LRMDA: variants seen among roughly 807,000 people sequenced by gnomAD.
LRMDA encodes the protein leucine rich melanocyte differentiation associated.
In LRMDA, 18 loss-of-function variants were observed where a neutral mutation model predicts 29.8. The observed-to-expected ratio is 0.60, with a 90% CI of 0.42 to 0.90. The LOEUF (loss-of-function observed/expected upper bound fraction) is 0.90. Ranked by LOEUF, LRMDA falls within the 40% of genes least tolerant of loss-of-function variation. LRMDA has a pLI of 0.00. For missense variants in LRMDA, 273 were observed against 273.9 expected (o/e 1.00, Z 0.02); for synonymous variants, 125 against 109.4 (o/e 1.14, Z -0.89).
intron 5 of LRMDA, among the ~76,000 whole-genome samples, chr10:76,269,180 G>A (rs922999753): frequency 6.6e-6 from 1 of 152,084 alleles, no homozygotes; most frequent in African/African-American, 2.4e-5. Flanking sequence ...AGCCCCAGTG[G>A]CACACTGTGA....
At chr10:75,819,374 A>G (rs1844117459) in intron 2 of LRMDA, among the ~76,000 whole-genome samples, 1 of 147,264 alleles carries the variant, frequency 6.8e-6, no homozygotes, top group African/African-American at 2.6e-5. Context: ...TATAGATCCA[A>G]TAGGAAACCA....
At chr10:75,611,880 C>G (rs1274270968) in intron 2 of LRMDA, among the ~76,000 whole-genome samples, 1 of 152,318 alleles carries the variant, frequency 6.6e-6, no homozygotes, top group South Asian at 2.1e-4. Context: ...ATCAGGCCTG[C>G]AAAAGGAGAT....
chr10:75,548,315 G>A (rs1250685026), intron 2 of LRMDA, among the ~76,000 whole-genome samples: 1 of 152,190 alleles, frequency 6.6e-6, no homozygotes, highest in Non-Finnish European at 1.5e-5. Flanking sequence ...TCCCTTGGAA[G>A]AAACAAGCAA....
At chr10:75,521,289 T>A (rs1478166943) in intron 2 of LRMDA, among the ~76,000 whole-genome samples, 2 of 152,236 alleles carry the variant, frequency 1.3e-5, no homozygotes, top group Non-Finnish European at 2.9e-5. Context: ...TGCTGCCTTT[T>A]GTTCAGCTAT....
At chr10:75,779,589 A>G (rs1055416650) in intron 2 of LRMDA, among the ~76,000 whole-genome samples, 1 of 152,230 alleles carries the variant, frequency 6.6e-6, no homozygotes, top group Non-Finnish European at 1.5e-5. Flanking sequence ...TAGCCAAGCC[A>G]GGCTAGGCTC....
intron 2 of LRMDA, among the ~76,000 whole-genome samples, chr10:75,444,201 C>T (rs566742933): frequency 5.9e-5 from 9 of 152,072 alleles, no homozygotes; most frequent in Non-Finnish European, 1.3e-4. Flanking sequence ...TATGGCAAAT[C>T]CACTTCTGTG....
chr10:76,270,532 G>A (rs1207649494), intron 5 of LRMDA: 1 of 152,468 alleles, frequency 6.6e-6, no homozygotes, highest in Non-Finnish European at 1.5e-5. Flanking sequence ...GAGCAGGGCA[G>A]GGAGTGTGGA....
chr10:75,508,137 G>T (rs1157141522), intron 2 of LRMDA, among the ~76,000 whole-genome samples: 2 of 152,124 alleles, frequency 1.3e-5, no homozygotes, highest in East Asian at 3.9e-4. Flanking sequence ...CCTGTGTGGG[G>T]GTAATGTTAA....
intron 2 of LRMDA, among the ~76,000 whole-genome samples, chr10:75,688,928 ATATACATTTTTTAGACATACTGTTAT>A (rs1039281839): frequency 2.0e-5 from 3 of 152,202 alleles, no homozygotes; most frequent in Non-Finnish European, 4.4e-5. Flanking sequence ...AAATCAGGGT[ATATACATTTTTTAGACATACTGTTAT>A]TGCACACTTA....
At chr10:75,679,157 T>A (rs1163436550) in intron 2 of LRMDA, among the ~76,000 whole-genome samples, 1 of 152,186 alleles carries the variant, frequency 6.6e-6, no homozygotes, top group African/African-American at 2.4e-5. Context: ...AGCCTAAAGC[T>A]CCCACTGTGT....
chr10:76,359,348 G>A (rs1348859141), intron 6 of LRMDA, among the ~76,000 whole-genome samples: 3 of 152,170 alleles, frequency 2.0e-5, no homozygotes, highest in Non-Finnish European at 4.4e-5. Flanking sequence ...AGATGGAGAA[G>A]GTTGCACTGT....
At chr10:76,491,092 A>AT (rs199808927) in intron 6 of LRMDA, among the ~76,000 whole-genome samples, 3,513 of 151,350 alleles carry the variant, frequency 0.023, 65 homozygotes, top group South Asian at 0.09. Flanking sequence ...CTGCTTTTTA[A>AT]TTTTTTTTTG....
intron 2 of LRMDA, among the ~76,000 whole-genome samples, chr10:75,899,717 C>T (rs1229622188): frequency 1.3e-5 from 2 of 152,172 alleles, no homozygotes; most frequent in Non-Finnish European, 2.9e-5. Flanking sequence ...CCATTCATGG[C>T]TTTGGTACAG....
At chr10:75,789,766 G>A (rs1843534475) in intron 2 of LRMDA, among the ~76,000 whole-genome samples, 1 of 152,052 alleles carries the variant, frequency 6.6e-6, no homozygotes, top group South Asian at 2.1e-4. Context: ...TGTCCCCAAG[G>A]CCCATTCTTT....
At chr10:76,543,969 C>T (rs1843389128) in intron 6 of LRMDA, among the ~76,000 whole-genome samples, 1 of 152,164 alleles carries the variant, frequency 6.6e-6, no homozygotes, top group African/African-American at 2.4e-5. Flanking sequence ...AGACGGAATT[C>T]TCTGTGTGAT....
At chr10:75,496,761 C>T in intron 2 of LRMDA, among the ~76,000 whole-genome samples, 1 of 152,150 alleles carries the variant, frequency 6.6e-6, no homozygotes, top group East Asian at 1.9e-4. Flanking sequence ...TTGAGCCTTT[C>T]TGGGCCATAG....
At chr10:75,640,637 C>G (rs984167189) in intron 2 of LRMDA, among the ~76,000 whole-genome samples, 1 of 152,158 alleles carries the variant, frequency 6.6e-6, no homozygotes, top group East Asian at 1.9e-4. Context: ...ATTAGAGGCC[C>G]CTCTCCCATC....
intron 5 of LRMDA, among the ~76,000 whole-genome samples, chr10:76,284,049 A>G (rs961028199): frequency 2.6e-5 from 4 of 152,186 alleles, no homozygotes; most frequent in Non-Finnish European, 5.9e-5. Flanking sequence ...CACATCTTCA[A>G]GAGCTCAGGT....
intron 2 of LRMDA, among the ~76,000 whole-genome samples, chr10:75,806,915 T>C (rs1419303638): frequency 6.6e-6 from 1 of 152,124 alleles, no homozygotes; most frequent in Non-Finnish European, 1.5e-5. Flanking sequence ...GCTTCTCCTT[T>C]CTGCATCTGT....
Sources: gnomAD v4.1 joint callset for allele counts (sites outside exome capture counted in the v4.1 genomes callset) on GRCh38, gnomAD v4.1.1 for gene constraint, MANE v1.5 for transcripts, NCBI Gene and HGNC (gene_info 2026-07-23, HGNC 2026-07-21) for gene names.